The following IGSF21 variants were observed in gnomAD, a reference collection of about 807,000 sequenced individuals.
IGSF21 encodes the protein immunoglobin superfamily member 21.
IGSF21 carries 28 observed loss-of-function variants against 46.8 expected under a neutral mutation model. The observed-to-expected ratio is 0.60, with a 90% CI of 0.44 to 0.82. The LOEUF is 0.82. Among genes scored for constraint, IGSF21 ranks in the 40% least tolerant of loss-of-function variants. IGSF21 has a pLI of 0.00. For missense variants in IGSF21, 624 were observed against 665.5 expected, an observed-to-expected ratio of 0.94 and a Z score of 0.69; for synonymous variants, 284 against 273.6, an observed-to-expected ratio of 1.04 and a Z score of -0.38.
At chr1:18,134,791 T>C (rs772349156) in intron 1 of IGSF21, among the ~76,000 whole-genome samples, 5 of 152,218 alleles carry the variant, frequency 3.3e-5, no homozygotes, top group Non-Finnish European at 7.4e-5. Context: ...GAGTCCACTG[T>C]GGCTGGCTCC....
chr1:18,226,700 A>G (rs1203821075), intron 1 of IGSF21, among the ~76,000 whole-genome samples: 1 of 152,176 alleles, frequency 6.6e-6, no homozygotes, highest in East Asian at 1.9e-4. Context: ...GTAACCATTG[A>G]GTTCCAGGCA....
At chr1:18,191,373 A>G (rs910867556) in intron 1 of IGSF21, among the ~76,000 whole-genome samples, 3 of 152,216 alleles carry the variant, frequency 2.0e-5, no homozygotes, top group African/African-American at 4.8e-5. Context: ...AGATCAAAGG[A>G]TAAGCCTGCA....
intron 2 of IGSF21, among the ~76,000 whole-genome samples, chr1:18,249,231 G>A (rs2084813390): frequency 6.6e-6 from 1 of 152,148 alleles, no homozygotes; most frequent in African/African-American, 2.4e-5. Context: ...CTTGCTAGCT[G>A]TGAGGTCCTT....
intron 1 of IGSF21, among the ~76,000 whole-genome samples, chr1:18,150,413 G>A (rs556207280): frequency 6.6e-5 from 10 of 152,116 alleles, no homozygotes; most frequent in Admixed American, 6.6e-4. Flanking sequence ...CATGGCGGGG[G>A]GGGTCTCAGG....
intron 1 of IGSF21, among the ~76,000 whole-genome samples, chr1:18,108,865 G>A (rs1398240235): frequency 1.3e-5 from 2 of 152,036 alleles, no homozygotes; most frequent in Admixed American, 1.3e-4. Context: ...GGGGGTGCAG[G>A]TGCCTGGGAG....
At chr1:18,375,405 A>G (rs10465918) in intron 6 of IGSF21, among the ~76,000 whole-genome samples, 21,210 of 152,156 alleles carry the variant, frequency 0.14, 1,671 homozygotes, top group East Asian at 0.34. Context: ...AAGCCTCTAC[A>G]TTATCCGTGG....
intron 2 of IGSF21, among the ~76,000 whole-genome samples, chr1:18,283,437 A>T (rs2085182090): frequency 6.6e-6 from 1 of 151,746 alleles, no homozygotes; most frequent in South Asian, 2.1e-4. Flanking sequence ...AGCCTGCCCT[A>T]CCCTCTCTGA....
In IGSF21 at chr1:18,300,320, A is replaced by G. The variant is rs138770979; in HGVS notation, c.305+8333A>G. On this transcript the variant is annotated intron_variant, in intron 3 of 9. Transcript: ENST00000251296. ...AGATTTGGAAAGCCCGCTTCACACAATCCCATCCACCTGCTCGGATGTGCA... is the reference window on the plus strand; with the variant it reads ...AGATTTGGAAAGCCCGCTTCACACAGTCCCATCCACCTGCTCGGATGTGCA... Among the ~76,000 whole-genome samples the G allele has an allele frequency of 2.4e-4, 36 of 152,246 alleles. No individual in the cohort carries two copies. The East Asian group carries it at 4.5e-3, about 19-fold the overall frequency.
rs567559545 is a variant in IGSF21 at position 18,356,097 on chromosome 1, A to C, written c.425-6018A>C. ...TGATCCACTTTCCTCAGCCTCCCAG[A>C]GTCCTGGGATTACGGGCATCAGCCC... On this transcript the variant is annotated intron_variant, in intron 4 of 9. Transcript: ENST00000251296. Among the ~76,000 whole-genome samples, 3 of 152,270 alleles carry C rather than the reference A, an allele frequency of 2.0e-5. No individual in the cohort carries two copies. In the East Asian group the frequency reaches 5.8e-4, roughly 29 times the overall value.
In IGSF21 at chr1:18,349,324, A is replaced by T. The variant is rs149426680; in HGVS notation, c.425-12791A>T. 4.6e-5 allele frequency among the ~76,000 whole-genome samples: 7 copies of T among 152,266 alleles called. No homozygotes were observed. In the East Asian group the frequency reaches 1.4e-3, roughly 30 times the overall value. ...TGATGGGTGAGAGAGAGAAGGGCAC[A>T]GGTTTCCAGAATTCCAGCAGAAGAA... On this transcript the variant is annotated intron_variant, in intron 4 of 9. Coordinates refer to ENST00000251296, the MANE Select transcript of IGSF21 (RefSeq NM_032880.5).
At chr1:18,210,109 C>A (rs2084374252) in intron 1 of IGSF21, among the ~76,000 whole-genome samples, 1 of 152,128 alleles carries the variant, frequency 6.6e-6, no homozygotes, top group African/African-American at 2.4e-5. Context: ...AACCATGCAA[C>A]TGTAATAGGC....
At chr1:18,197,370 G>T (rs202187219) in intron 1 of IGSF21, among the ~76,000 whole-genome samples, 1 of 152,174 alleles carries the variant, frequency 6.6e-6, no homozygotes, top group Non-Finnish European at 1.5e-5. Flanking sequence ...GGCTGACCTC[G>T]GATTCTAGGT....
intron 4 of IGSF21, among the ~76,000 whole-genome samples, chr1:18,351,615 C>T (rs12070774): frequency 0.022 from 3,323 of 152,252 alleles, 113 homozygotes; most frequent in African/African-American, 0.074. Context: ...CTGGCCAGTT[C>T]TTGAATGTGC....
rs1366570159 is a variant in IGSF21, at chr1:18,122,280, A to G, written c.70+14082A>G. ...AGTGGTGCAATCTCGGCTCACTGCA[A>G]CCTCCGCCCCCAGGGTTCTCATGCC... On this transcript the variant is annotated intron_variant, in intron 1 of 9. Coordinates refer to ENST00000251296, the MANE Select transcript of IGSF21 (RefSeq NM_032880.5). Among the ~76,000 whole-genome samples the G allele has an allele frequency of 2.2e-5, 3 of 136,226 alleles. No individual in the cohort carries two copies. The Admixed American group carries it at 2.5e-4, about 11-fold the overall frequency. The allele number at this position is 136,226 out of a possible 152,430, so 89.4% of individuals were successfully genotyped here. A position where few individuals can be genotyped will look rare whatever the true frequency, so the allele number is the denominator to read the frequency against.
At chr1:18,347,335 A>G (rs2124617261) in intron 4 of IGSF21, among the ~76,000 whole-genome samples, 1 of 152,284 alleles carries the variant, frequency 6.6e-6, no homozygotes, top group East Asian at 1.9e-4. Flanking sequence ...GTCAGGAGAC[A>G]TGCCCACTGT....
chr1:18,211,286 C>T (rs1048611748), intron 1 of IGSF21, among the ~76,000 whole-genome samples: 1 of 152,208 alleles, frequency 6.6e-6, no homozygotes, highest in Non-Finnish European at 1.5e-5. Context: ...AACTCAAGAG[C>T]TTTGATCCTG....
At position 18,273,507 on chromosome 1, in the gene IGSF21, TC is replaced by T. The variant is rs2085071078; in HGVS notation, c.184-18358del. ...TTCTTTCTTTCTTTCTTTCTTTCTT[TC>T]TTTCTTTCTTTCGTCTTTCTTTACT... On this transcript the variant is annotated intron_variant, in intron 2 of 9. Transcript: ENST00000251296. Among the ~76,000 whole-genome samples, 2 of 88,480 alleles carry T rather than the reference TC, an allele frequency of 2.3e-5. 1 individual carries two copies. Among genetic ancestry groups the T allele is most frequent in the Non-Finnish European group, 4.6e-5 (2 of 43,712 alleles). The allele number at this position is 88,480 out of a possible 152,430, so 58.0% of individuals were successfully genotyped here. A position where few individuals can be genotyped will look rare whatever the true frequency, so the allele number is the denominator to read the frequency against.
In IGSF21 at chr1:18,367,090, CT is replaced by C. The variant is rs548979119; in HGVS notation, c.1015+1394del. Reference sequence around the variant, plus strand: ...AGATGCCTGGGCTCATACTCCAAAACTCCTGTAGTGTCAGGGGCTGCCTGGA... The same window carrying C: ...AGATGCCTGGGCTCATACTCCAAAACCCTGTAGTGTCAGGGGCTGCCTGGA... On this transcript the variant is annotated intron_variant, in intron 6 of 9. Coordinates refer to ENST00000251296, the MANE Select transcript of IGSF21 (RefSeq NM_032880.5). Among the ~76,000 whole-genome samples, 21 of 152,294 alleles carry C rather than the reference CT, an allele frequency of 1.4e-4. No individual in the cohort carries two copies. In the South Asian group the frequency reaches 4.4e-3, roughly 32 times the overall value.
intron 1 of IGSF21, among the ~76,000 whole-genome samples, chr1:18,154,937 G>A (rs187550343): frequency 6.6e-6 from 1 of 152,078 alleles, no homozygotes; most frequent in East Asian, 2.0e-4. Flanking sequence ...TGAATCCAGG[G>A]AGGGCAGACT....
Sources: gnomAD v4.1 joint callset for allele counts (sites outside exome capture counted in the v4.1 genomes callset) on GRCh38, gnomAD v4.1.1 for gene constraint, MANE v1.5 for transcripts, NCBI Gene and HGNC (gene_info 2026-07-23, HGNC 2026-07-21) for gene names.